NRIP1: variants seen among roughly 807,000 people sequenced by gnomAD.
NRIP1 encodes nuclear receptor interacting protein 1, also known as nuclear receptor-interacting protein 1.
In NRIP1, 28 loss-of-function variants were observed where a neutral mutation model predicts 75.0. That is an observed-to-expected ratio of 0.37 (90% CI 0.28 to 0.51). NRIP1 has a LOEUF of 0.51. Among genes scored for constraint, NRIP1 ranks in the 20% least tolerant of loss-of-function variants. The pLI, the probability that NRIP1 is intolerant of heterozygous loss-of-function variation, is 0.92. For missense variants in NRIP1, 1,435 were observed against 1,343.7 expected, an observed-to-expected ratio of 1.07 and a Z score of -1.06; for synonymous variants, 526 against 487.6, an observed-to-expected ratio of 1.08 and a Z score of -1.04.
chr21:14,990,044 A>C (rs1310995351), intron 3 of NRIP1, among the ~76,000 whole-genome samples: 2 of 152,160 alleles, frequency 1.3e-5, no homozygotes, highest in Non-Finnish European at 2.9e-5. Flanking sequence ...TATGACAATA[A>C]ATCTAGACTA....
Position 14,982,099 on chromosome 21 carries a change from C to T in NRIP1, c.-334-13573G>A, listed in dbSNP as rs1235510796. 3.3e-5 allele frequency among the ~76,000 whole-genome samples: 5 copies of T among 152,126 alleles called. No homozygotes were observed. The South Asian group carries it at 8.3e-4, about 25-fold the overall frequency. On this transcript the variant is annotated intron_variant, in intron 3 of 3. Coordinates refer to ENST00000318948, the MANE Select transcript of NRIP1 (RefSeq NM_003489.4). ...TCCTGGGCTCAAGAGATCCTCCTGC[C>T]TTGGCCTCCCAAAGTGTTGAGATTA...
At position 14,965,269 on chromosome 21, in the gene NRIP1, T is replaced by A; in HGVS notation, c.2924A>T (p.Glu975Val). The A allele has an allele frequency of 6.2e-7, 1 of 1,613,996 alleles. No homozygotes were observed. The highest frequency in any genetic ancestry group is 8.5e-7 in the Non-Finnish European group (1 of 1,179,922). ...TCCATTTAAAGAAGAAATGCTAAAT[T>A]CAGGTTTGCTGTTGGTCACATTATT... ...HKNNVTNSKPEFSISSLNGLM... is the reference protein window; with the variant it reads ...HKNNVTNSKPVFSISSLNGLM... The change falls in exon 4 of 4, where the codon GAA becomes GTA. Residue 975 changes from glutamate to valine, a missense_variant. Physicochemically the swap from Glu to Val is moderately radical, Grantham distance 121. Transcript: ENST00000318948.
intron 3 of NRIP1, among the ~76,000 whole-genome samples, chr21:15,013,483 T>C (rs1228879286): frequency 6.6e-6 from 1 of 152,190 alleles, no homozygotes; most frequent in African/African-American, 2.4e-5. Context: ...ATCTGCTCTC[T>C]CTCTTTGACC....
chr21:15,001,293 G>GTTT (rs2087843957), intron 3 of NRIP1, among the ~76,000 whole-genome samples: 1 of 152,126 alleles, frequency 6.6e-6, no homozygotes, highest in African/African-American at 2.4e-5. Flanking sequence ...ACAGAAGAGG[G>GTTT]AAAAGGGCAC....
upstream of NRIP1, chr21:15,065,039 G>A: frequency 6.5e-6 from 1 of 154,534 alleles, no homozygotes; most frequent in Non-Finnish European, 1.4e-5. Flanking sequence ...CCGCCCGCCC[G>A]CAGCCGCGCT....
chr21:15,025,346 G>T (rs1280749574), intron 2 of NRIP1, among the ~76,000 whole-genome samples: 1 of 152,140 alleles, frequency 6.6e-6, no homozygotes, highest in Non-Finnish European at 1.5e-5. Context: ...AATGAAATTA[G>T]AGATATCAGT....
intron 2 of NRIP1, among the ~76,000 whole-genome samples, chr21:15,031,190 T>G (rs867201560): frequency 7.1e-5 from 5 of 70,308 alleles, no homozygotes; most frequent in South Asian, 6.6e-4. Context: ...CTGGAAGGCG[T>G]TCAGAGGTTC....
At chr21:15,020,401 T>C (rs1277975501) in intron 2 of NRIP1, among the ~76,000 whole-genome samples, 1 of 152,164 alleles carries the variant, frequency 6.6e-6, no homozygotes, top group Non-Finnish European at 1.5e-5. Context: ...TGAAAATAAA[T>C]AATTAAGTGT....
Position 14,965,174 on chromosome 21 carries a change from TTAC to T in NRIP1, c.3016_3018del (p.Val1006del). On this transcript the variant is annotated inframe_deletion, in exon 4 of 4. Transcript: ENST00000318948. ...GGGAAAGTAGGACTCACAGGAGTTT[TTAC>T]TACACCTGGGTATGAAAATGTCCTG... is the stretch of plus-strand genomic sequence containing the variant. The T allele has an allele frequency of 6.2e-7, 1 of 1,613,390 alleles. No individual in the cohort carries two copies. The highest frequency in any genetic ancestry group is 8.5e-7 in the Non-Finnish European group (1 of 1,179,912).
At chr21:15,018,618 T>G (rs1021932799) in intron 2 of NRIP1, among the ~76,000 whole-genome samples, 1 of 151,988 alleles carries the variant, frequency 6.6e-6, no homozygotes, top group African/African-American at 2.4e-5. Context: ...AGGAAAAAAA[T>G]GGTAACAAAT....
At chr21:15,045,141 C>A (rs1454895157) in intron 1 of NRIP1, among the ~76,000 whole-genome samples, 3 of 152,104 alleles carry the variant, frequency 2.0e-5, no homozygotes, top group African/African-American at 7.2e-5. Context: ...TCTCCTAATC[C>A]CCCCGGCCCA....
At chr21:15,018,769 G>GGGGTTA (rs2088297563) in intron 2 of NRIP1, among the ~76,000 whole-genome samples, 1 of 152,154 alleles carries the variant, frequency 6.6e-6, no homozygotes, top group East Asian at 1.9e-4. Flanking sequence ...AAAAGGAGTT[G>GGGGTTA]GGGTTATTTT....
At chr21:14,991,942 C>T (rs1011094915) in intron 3 of NRIP1, among the ~76,000 whole-genome samples, 6 of 152,072 alleles carry the variant, frequency 3.9e-5, no homozygotes, top group Non-Finnish European at 5.9e-5. Flanking sequence ...TAAAAAGCTG[C>T]GTTCCTTTCA....
intron 2 of NRIP1, among the ~76,000 whole-genome samples, chr21:15,016,689 C>T (rs908021666): frequency 1.3e-5 from 2 of 152,012 alleles, no homozygotes; most frequent in African/African-American, 2.4e-5. Context: ...TCGAGACCAT[C>T]CTGGCTAACA....
At chr21:14,995,576 G>A (rs997633573) in intron 3 of NRIP1, among the ~76,000 whole-genome samples, 27 of 152,192 alleles carry the variant, frequency 1.8e-4, no homozygotes, top group African/African-American at 6.5e-4. Flanking sequence ...TTCTGGGAGA[G>A]TGAGAGATTT....
At position 14,965,306 on chromosome 21, in the gene NRIP1, T is replaced by C. The variant is rs368450264; in HGVS notation, c.2887A>G (p.Lys963Glu). 4 of 1,614,034 alleles carry C rather than the reference T, an allele frequency of 2.5e-6. No individual in the cohort carries two copies. The highest frequency in any genetic ancestry group is 3.4e-6 in the Non-Finnish European group (4 of 1,179,940). ...TTGGTCACATTATTTTTGTGTCCTTTCTTTTTACTGTCAGCCACAGAGTTA... is the reference window on the plus strand; with the variant it reads ...TTGGTCACATTATTTTTGTGTCCTTCCTTTTTACTGTCAGCCACAGAGTTA... ...RSNSVADSKK[K>E]GHKNNVTNSK... is the part of the protein sequence containing the mutation. The change falls in exon 4 of 4, where the codon AAA becomes GAA. Residue 963 changes from lysine to glutamate, a missense_variant. Coordinates refer to ENST00000318948, the MANE Select transcript of NRIP1 (RefSeq NM_003489.4).
chr21:15,037,830 G>A (rs1044155766), intron 2 of NRIP1, among the ~76,000 whole-genome samples: 13 of 152,212 alleles, frequency 8.5e-5, no homozygotes, highest in African/African-American at 3.1e-4. Context: ...TTTGTTCAGG[G>A]TAATAATAAT....
chr21:15,021,867 G>A (rs139009261), intron 2 of NRIP1, among the ~76,000 whole-genome samples: 16 of 152,270 alleles, frequency 1.1e-4, no homozygotes, highest in Non-Finnish European at 2.1e-4. Context: ...TGTCAGAATG[G>A]TGATTATTAA....
chr21:15,045,163 T>G (rs1489191740), intron 1 of NRIP1, among the ~76,000 whole-genome samples: 1 of 152,196 alleles, frequency 6.6e-6, no homozygotes, highest in African/African-American at 2.4e-5. Context: ...ACAATCAGCC[T>G]GGTTGGGTGG....
Sources: gnomAD v4.1 joint callset for allele counts (sites outside exome capture counted in the v4.1 genomes callset) on GRCh38, gnomAD v4.1.1 for gene constraint, MANE v1.5 for transcripts, NCBI Gene and HGNC (gene_info 2026-07-23, HGNC 2026-07-21) for gene names.